IFIT5: variants seen among roughly 807,000 people sequenced by gnomAD.
The protein encoded by IFIT5 is interferon-induced protein with tetratricopeptide repeats 5.
In IFIT5, 2 loss-of-function variants were observed where a neutral mutation model predicts 5.0. That is an observed-to-expected ratio of 0.40 (90% CI 0.16 to 1.26). The LOEUF (loss-of-function observed/expected upper bound fraction) is 1.26, where lower values mean the gene tolerates loss of function less well. IFIT5 is among the 50% of genes most tolerant of loss of function. The pLI is 0.33. For synonymous variants in IFIT5, 206 were observed against 204.6 expected (o/e 1.01, Z -0.06); for missense variants, 524 against 563.2 (o/e 0.93, Z 0.70).
chr10:89,420,581 C>T lies in IFIT5; in HGVS notation c.*1933C>T, dbSNP rs1001903955. The stretch of plus-strand genomic sequence containing the variant: ...GGGCTGTGTTCATACACAGAAGGGG[C>T]CTGAGATTTCTGCACTTTAAACAAG... On this transcript the variant is annotated 3_prime_UTR_variant, in exon 2 of 2. Coordinates refer to ENST00000371795, the MANE Select transcript of IFIT5 (RefSeq NM_012420.3). 6.6e-6 allele frequency: 1 copy of T among 152,150 alleles called. No homozygotes were observed. 9.4% of individuals were successfully genotyped at this position (152,150 alleles called of 1,614,324 possible).
rs371564612 is a variant in IFIT5, at chr10:89,418,707, G to GTT, written c.*68_*69dup. 1.9e-4 allele frequency: 247 copies of GTT among 1,334,542 alleles called. No individual in the cohort carries two copies. Among genetic ancestry groups the GTT allele is most frequent in the African/African-American group, 1.1e-3 (72 of 67,290 alleles). 82.7% of individuals were successfully genotyped at this position (1,334,542 alleles called of 1,614,324 possible). A position where few individuals can be genotyped will look rare whatever the true frequency, so the allele number is the denominator to read the frequency against. Reference sequence around the variant, plus strand: ...CCCTTCATTTTGGGTTCTCCTGTTTGTTTTTTTTTTATTATTTTAATCCCT... The same window carrying GTT: ...CCCTTCATTTTGGGTTCTCCTGTTTGTTTTTTTTTTTTATTATTTTAATCCCT... On this transcript the variant is annotated 3_prime_UTR_variant, in exon 2 of 2. Coordinates refer to ENST00000371795, the MANE Select transcript of IFIT5 (RefSeq NM_012420.3).
Position 89,417,513 on chromosome 10 carries a change from A to G in IFIT5, c.314A>G (p.Tyr105Cys). Reference protein sequence around the residue: ...VTWGNYAWVYYHMDQLEEAQK... With the variant: ...VTWGNYAWVYCHMDQLEEAQK... ...TGGGGAAACTATGCCTGGGTGTATT[A>G]TCACATGGACCAGCTTGAAGAAGCT... The change falls in exon 2 of 2, where the codon TAT (tyrosine) becomes TGT (cysteine). Residue 105 changes from tyrosine (Y) to cysteine (C), a missense_variant. By Grantham distance (194) the Tyr-to-Cys change is radical. Transcript: ENST00000371795. The G allele has an allele frequency of 6.2e-7, 1 of 1,614,224 alleles. No homozygotes were observed. Among genetic ancestry groups the G allele is most frequent in the Non-Finnish European group, 8.5e-7 (1 of 1,180,032 alleles).
At position 89,414,712 on chromosome 10, in the gene IFIT5, C is replaced by A. The variant is rs1841511406; in HGVS notation, c.-87C>A. On this transcript the variant is annotated 5_prime_UTR_variant, in exon 1 of 2. Coordinates refer to ENST00000371795, the MANE Select transcript of IFIT5 (RefSeq NM_012420.3). ...GCGCGCACGCGCACGCGCACGCCCA[C>A]CGCGCGGCTTCCCGCGGTCCCCGGT... 6.6e-7 allele frequency: 1 copy of A among 1,524,058 alleles called. No homozygotes were observed. The highest frequency in any genetic ancestry group is 2.5e-5 in the East Asian group (1 of 39,516). 94.4% of individuals were successfully genotyped at this position (1,524,058 alleles called of 1,614,324 possible). A position where few individuals can be genotyped will look rare whatever the true frequency, so the allele number is the denominator to read the frequency against.
In IFIT5 at chr10:89,417,226, G is replaced by A. The variant is rs760623462; in HGVS notation, c.27G>A (p.Leu9=). 2 of 1,601,652 alleles carry A rather than the reference G, an allele frequency of 1.2e-6. No homozygotes were observed. The highest frequency in any genetic ancestry group is 2.2e-5 in the South Asian group (2 of 90,084). ...ACAGTGAAATTCGTAAGGACACCTT[G>A]AAGGCCATTCTGTTGGAGTTAGAAT... is the stretch of plus-strand genomic sequence containing the variant. MSEIRKDT[L]KAILLELECH... The change falls in exon 2 of 2, where the codon TTG becomes TTA. Residue 9 remains leucine (L), a synonymous_variant. Transcript: ENST00000371795.
At position 89,418,963 on chromosome 10, in the gene IFIT5, A is replaced by G. The variant is rs1229286921; in HGVS notation, c.*315A>G. The G allele has an allele frequency of 1.0e-5, 2 of 191,722 alleles. No individual in the cohort carries two copies. Among genetic ancestry groups the G allele is most frequent in the Non-Finnish European group, 2.1e-5 (2 of 93,370 alleles). 11.9% of individuals were successfully genotyped at this position (191,722 alleles called of 1,614,324 possible). On this transcript the variant is annotated 3_prime_UTR_variant, in exon 2 of 2. Transcript: ENST00000371795. ...CTCTGCTCTTTGAATTTCTCATATTATATAGTAAATATATTCCTACGTAAA... is the reference window on the plus strand; with the variant it reads ...CTCTGCTCTTTGAATTTCTCATATTGTATAGTAAATATATTCCTACGTAAA...
At position 89,418,014 on chromosome 10, in the gene IFIT5, TA is replaced by T. The variant is rs1404276834; in HGVS notation, c.821del (p.Lys274ArgfsTer5). ...KNSWNKALEL[L>X]KKALEVTPTS... is the part of the protein sequence containing the mutation. ...TCCTGGAACAAAGCTCTCGAACTTT[TA>T]AAAAAGGCCTTGGAGGTGACACCAA... On this transcript the variant is annotated frameshift_variant, in exon 2 of 2. Coordinates refer to ENST00000371795, the MANE Select transcript of IFIT5 (RefSeq NM_012420.3). LOFTEE classifies it low-confidence loss of function (END_TRUNC). 1 of 1,614,164 alleles carries T rather than the reference TA, an allele frequency of 6.2e-7. No individual in the cohort carries two copies. Among genetic ancestry groups the T allele is most frequent in the East Asian group, 2.2e-5 (1 of 44,882 alleles).
At position 89,418,307 on chromosome 10, in the gene IFIT5, A is replaced by G; in HGVS notation, c.1108A>G (p.Ile370Val). 8 of 1,614,258 alleles carry G rather than the reference A, an allele frequency of 5.0e-6. No homozygotes were observed. The highest frequency in any genetic ancestry group is 1.6e-4 in the Middle Eastern group (1 of 6,062). Residue 370 changes from isoleucine (I) to valine (V), a missense_variant, in exon 2 of 2, where the codon ATA (isoleucine) becomes GTA (valine). By Grantham distance (29) the Ile-to-Val change is conservative. Transcript: ENST00000371795. ...CCGGAAAGCTCTTCGTCTGGAGAAC[A>G]TAACCGATGATCACAAACATCAGAT... is the stretch of plus-strand genomic sequence containing the variant. Reference protein sequence around the residue: ...IFRKALRLENITDDHKHQIHY... With the variant: ...IFRKALRLENVTDDHKHQIHY...
chr10:89,415,946 G>A (rs1412166971), intron 1 of IFIT5, among the ~76,000 whole-genome samples: 1 of 152,126 alleles, frequency 6.6e-6, no homozygotes, highest in Admixed American at 6.5e-5. Flanking sequence ...TTTTTGAGAC[G>A]GAGTCTCGCC....
Position 89,418,197 on chromosome 10 carries a change from G to C in IFIT5, c.998G>C (p.Arg333Pro). 6.2e-7 allele frequency: 1 copy of C among 1,614,202 alleles called. No individual in the cohort carries two copies. The highest frequency in any genetic ancestry group is 8.5e-7 in the Non-Finnish European group (1 of 1,180,020). Residue 333 changes from arginine (R) to proline (P), a missense_variant, in exon 2 of 2, where the codon CGA becomes CCA. Arg to Pro is a moderately radical substitution (Grantham distance 103). Transcript: ENST00000371795. ...AIFHFKAAME[R>P]DSMFAFAYTD... Reference sequence around the variant, plus strand: ...TTTCATTTCAAAGCAGCCATGGAACGAGACTCTATGTTTGCATTTGCCTAC... The same window carrying C: ...TTTCATTTCAAAGCAGCCATGGAACCAGACTCTATGTTTGCATTTGCCTAC...
Position 89,414,749 on chromosome 10 carries a change from A to G in IFIT5, c.-50A>G, listed in dbSNP as rs773552596. ...CCGCGGTCCCCGGTGCTGAGGAGAG[A>G]GCGATCCGAGGGACTGCGCCGCCCG... On this transcript the variant is annotated 5_prime_UTR_variant, in exon 1 of 2. Coordinates refer to ENST00000371795, the MANE Select transcript of IFIT5 (RefSeq NM_012420.3). 9.4e-5 allele frequency: 150 copies of G among 1,599,576 alleles called. No individual in the cohort carries two copies. Among genetic ancestry groups the G allele is most frequent in the Non-Finnish European group, 8.8e-5 (103 of 1,175,640 alleles).
chr10:89,416,561 A>G (rs1208766671), intron 1 of IFIT5, among the ~76,000 whole-genome samples: 3 of 152,274 alleles, frequency 2.0e-5, no homozygotes, highest in Non-Finnish European at 2.9e-5. Context: ...AGTTGTGCAT[A>G]AATTCCAGAG....
At position 89,417,367 on chromosome 10, in the gene IFIT5, A is replaced by G. The variant is rs746136474; in HGVS notation, c.168A>G (p.Leu56=). The part of the protein sequence containing the change: ...TTKSRLALYN[L]LAYVKHLKGQ... ...AATCTAGACTTGCTCTTTATAACCT[A>G]TTGGCCTATGTGAAACACCTAAAAG... Residue 56 remains leucine, a synonymous_variant, in exon 2 of 2, where the codon CTA becomes CTG. Transcript: ENST00000371795. The G allele has an allele frequency of 3.1e-6, 5 of 1,614,150 alleles. No homozygotes were observed. Among genetic ancestry groups the G allele is most frequent in the South Asian group, 1.1e-5 (1 of 91,080 alleles).
chr10:89,418,032 T>A lies in IFIT5; in HGVS notation c.833T>A (p.Val278Glu), dbSNP rs534834408. Reference protein sequence around the residue: ...ALELLKKALEVTPTSSFLHHQ... With the variant: ...ALELLKKALEETPTSSFLHHQ... ...GAACTTTTAAAAAAGGCCTTGGAGG[T>A]GACACCAACTTCTTCTTTCCTGCAT... Residue 278 changes from valine to glutamate, a missense_variant, in exon 2 of 2, where the codon GTG becomes GAG. Transcript: ENST00000371795. The A allele has an allele frequency of 1.2e-4, 188 of 1,614,136 alleles. 1 individual carries two copies. The South Asian group carries it at 2.0e-3, about 17-fold the overall frequency.
chr10:89,418,255 C>A lies in IFIT5; in HGVS notation c.1056C>A (p.Gly352=), dbSNP rs768832519. The change falls in exon 2 of 2, where the codon GGC becomes GGA. Residue 352 remains glycine, a synonymous_variant. Coordinates refer to ENST00000371795, the MANE Select transcript of IFIT5 (RefSeq NM_012420.3). ...TGGCCAACATGTACGCTGAAGGAGG[C>A]CAGTATAGCAATGCTGAGGACATTT... The part of the protein sequence containing the change: ...TDLANMYAEG[G]QYSNAEDIFR... 1.9e-6 allele frequency: 3 copies of A among 1,614,050 alleles called. No homozygotes were observed. The highest frequency in any genetic ancestry group is 2.5e-6 in the Non-Finnish European group (3 of 1,180,020).
chr10:89,418,119 G>T lies in IFIT5; in HGVS notation c.920G>T (p.Arg307Ile), dbSNP rs772734921. Reference protein sequence around the residue: ...MIQIKKATHNRPKGKDKLKVD... With the variant: ...MIQIKKATHNIPKGKDKLKVD... ...CAAATCAAGAAGGCCACACACAACA[G>T]ACCTAAAGGAAAGGATAAACTAAAG... The change falls in exon 2 of 2, where the codon AGA (arginine) becomes ATA (isoleucine). Residue 307 changes from arginine (R) to isoleucine (I), a missense_variant. Arg to Ile is a moderately conservative substitution (Grantham distance 97). Transcript: ENST00000371795. The T allele has an allele frequency of 6.2e-7, 1 of 1,614,032 alleles. No individual in the cohort carries two copies.
chr10:89,414,712 C>G lies in IFIT5; in HGVS notation c.-87C>G. 1 of 1,524,174 alleles carries G rather than the reference C, an allele frequency of 6.6e-7. No individual in the cohort carries two copies. Among genetic ancestry groups the G allele is most frequent in the Non-Finnish European group, 8.7e-7 (1 of 1,143,084 alleles). The allele number at this position is 1,524,174 out of a possible 1,614,324, so 94.4% of individuals were successfully genotyped here. On this transcript the variant is annotated 5_prime_UTR_variant, in exon 1 of 2. Transcript: ENST00000371795. ...GCGCGCACGCGCACGCGCACGCCCA[C>G]CGCGCGGCTTCCCGCGGTCCCCGGT...
intron 1 of IFIT5, among the ~76,000 whole-genome samples, chr10:89,416,205 G>C (rs1397266859): frequency 6.6e-6 from 1 of 152,204 alleles, no homozygotes; most frequent in Non-Finnish European, 1.5e-5. Context: ...TTACAGGCGT[G>C]AGCCACAACG....
chr10:89,415,185 C>T (rs1339348735), intron 1 of IFIT5, among the ~76,000 whole-genome samples: 2 of 152,230 alleles, frequency 1.3e-5, no homozygotes, highest in Non-Finnish European at 2.9e-5. Flanking sequence ...CCACCCATCG[C>T]GACCCGACGG....
chr10:89,417,093 T>G, intron 1 of IFIT5, 112 bp from the exon 2 acceptor site: 2 of 869,140 alleles, frequency 2.3e-6, no homozygotes, highest in Non-Finnish European at 3.4e-6. Context: ...ATGTTTTAAC[T>G]GTAAGATCAA....
Sources: gnomAD v4.1 joint callset for allele counts (sites outside exome capture counted in the v4.1 genomes callset) on GRCh38, gnomAD v4.1.1 for gene constraint, MANE v1.5 for transcripts, NCBI Gene and HGNC (gene_info 2026-07-23, HGNC 2026-07-21) for gene names.